The following WASF3 variants were observed in gnomAD, a reference collection of about 807,000 sequenced individuals.
WASF3 encodes actin-binding protein WASF3.
A neutral mutation model predicts 46.6 loss-of-function variants in WASF3; 11 were observed. The observed-to-expected ratio is 0.24, with a 90% CI of 0.15 to 0.39. The LOEUF (loss-of-function observed/expected upper bound fraction) is 0.39. WASF3 is among the 10% of genes least tolerant of loss of function. The pLI is 1.00. For synonymous variants in WASF3, 242 were observed against 259.7 expected (o/e 0.93, Z 0.65); for missense variants, 576 against 669.8 (o/e 0.86, Z 1.55).
chr13:26,596,312 T>A (rs7324501), intron 1 of WASF3, among the ~76,000 whole-genome samples: 124,829 of 150,476 alleles, frequency 0.83, 51,806 homozygotes, highest in East Asian at 0.9. Flanking sequence ...TTTTTTGCTC[T>A]TTTCATAATT....
intron 1 of WASF3, among the ~76,000 whole-genome samples, chr13:26,604,837 A>C (rs1345335953): frequency 6.6e-6 from 1 of 152,154 alleles, no homozygotes; most frequent in Non-Finnish European, 1.5e-5. Context: ...TGTTTTTGTA[A>C]TCTTTGTGGG....
upstream of WASF3, among the ~76,000 whole-genome samples, chr13:26,554,076 CTTCCTTCCTTCCTTCCTTCCTTCT>C (rs1566032408): frequency 1.1e-4 from 8 of 72,508 alleles, no homozygotes; most frequent in South Asian, 5.4e-4. Context: ...TCCTTCCTTC[CTTCCTTCCTTCCTTCCTTCCTTCT>C]TTCTTTCTTT....
At chr13:26,589,158 G>T (rs1300060513) in intron 1 of WASF3, among the ~76,000 whole-genome samples, 2 of 152,180 alleles carry the variant, frequency 1.3e-5, no homozygotes, top group African/African-American at 4.8e-5. Context: ...ATACTCAGTA[G>T]ATGGATAGTT....
chr13:26,543,482 G>A, the WASF3 span, among the ~76,000 whole-genome samples: 25 of 152,246 alleles, frequency 1.6e-4, no homozygotes, highest in African/African-American at 5.5e-4. Flanking sequence ...TACTAGTATT[G>A]TACTGGGGAT....
At chr13:26,670,062 T>C (rs1365649366) in intron 5 of WASF3, among the ~76,000 whole-genome samples, 3 of 152,168 alleles carry the variant, frequency 2.0e-5, no homozygotes, top group Non-Finnish European at 4.4e-5. Context: ...CACACGTATG[T>C]TTATTGCAGC....
At position 26,577,316 on chromosome 13, in the gene WASF3, C is replaced by A. The variant is rs1879829621; in HGVS notation, c.-109+19497C>A. 4 of 751,316 alleles carry A rather than the reference C, an allele frequency of 5.3e-6. No homozygotes were observed. In the South Asian group the frequency reaches 5.5e-5, roughly 10 times the overall value. The allele number at this position is 751,316 out of a possible 1,614,324, so 46.5% of individuals were successfully genotyped here. On this transcript the variant is annotated intron_variant, in intron 1 of 9. Coordinates refer to ENST00000335327, the MANE Select transcript of WASF3 (RefSeq NM_006646.6). ...TGTTCTGTGTTGGTTTTCCTAAAAACAATGTAACAATCCGATATGGAAAAC... is the reference window on the plus strand; with the variant it reads ...TGTTCTGTGTTGGTTTTCCTAAAAAAAATGTAACAATCCGATATGGAAAAC...
chr13:26,606,069 G>T (rs916617293), intron 1 of WASF3, among the ~76,000 whole-genome samples: 1 of 152,200 alleles, frequency 6.6e-6, no homozygotes, highest in African/African-American at 2.4e-5. Context: ...GCGGCACCTG[G>T]TGGTGCAGTA....
intron 2 of WASF3, chr13:26,619,184 A>G (rs1212254205): frequency 6.6e-6 from 1 of 152,246 alleles, no homozygotes; most frequent in Non-Finnish European, 1.5e-5. Flanking sequence ...TTATGCACAT[A>G]CATGCCATAC....
chr13:26,624,980 G>C (rs1382889492), intron 2 of WASF3, among the ~76,000 whole-genome samples: 2 of 152,140 alleles, frequency 1.3e-5, no homozygotes, highest in African/African-American at 4.8e-5. Flanking sequence ...GATCTGCACT[G>C]TAAGAAATGA....
the WASF3 span, among the ~76,000 whole-genome samples, chr13:26,546,648 G>A: frequency 6.6e-6 from 1 of 152,170 alleles, no homozygotes; most frequent in Non-Finnish European, 1.5e-5. Context: ...GGAGGCGGAG[G>A]TTGTGGTGAG....
In WASF3 at chr13:26,573,713, A is replaced by G. The variant is rs931080881; in HGVS notation, c.-109+15894A>G. ...TTGTATATTTTACTGATATGAATAC[A>G]GAAAAGTCTACATCAGAAGTATAGT... On this transcript the variant is annotated intron_variant, in intron 1 of 9. Coordinates refer to ENST00000335327, the MANE Select transcript of WASF3 (RefSeq NM_006646.6). Among the ~76,000 whole-genome samples, 5 of 152,328 alleles carry G rather than the reference A, an allele frequency of 3.3e-5. No homozygotes were observed. In the East Asian group the frequency reaches 9.6e-4, roughly 29 times the overall value.
At chr13:26,636,746 GTCCTTTCTTGCC>G (rs913128932) in intron 2 of WASF3, among the ~76,000 whole-genome samples, 8 of 152,162 alleles carry the variant, frequency 5.3e-5, no homozygotes, top group Admixed American at 3.9e-4. Context: ...CTGCTGAAGG[GTCCTTTCTTGCC>G]TTGAGCCCCA....
intron 1 of WASF3, among the ~76,000 whole-genome samples, chr13:26,561,998 A>G (rs1028030562): frequency 6.6e-6 from 1 of 152,212 alleles, no homozygotes; most frequent in African/African-American, 2.4e-5. Context: ...ACTTTTTTCA[A>G]GTTGGTACCA....
intron 6 of WASF3, among the ~76,000 whole-genome samples, 155 bp from the exon 7 acceptor site, chr13:26,676,394 C>G (rs1883069068): frequency 6.6e-6 from 1 of 152,180 alleles, no homozygotes; most frequent in Non-Finnish European, 1.5e-5. Flanking sequence ...GAGGAGTGCA[C>G]TGCTTTAGAG....
At chr13:26,543,873 C>T in the WASF3 span, among the ~76,000 whole-genome samples, 1 of 152,172 alleles carries the variant, frequency 6.6e-6, no homozygotes, top group African/African-American at 2.4e-5. Context: ...ATCAATATGT[C>T]ATTAGCTGTA....
At chr13:26,648,044 G>T (rs141935375) in intron 3 of WASF3, among the ~76,000 whole-genome samples, 1 of 151,994 alleles carries the variant, frequency 6.6e-6, no homozygotes, top group Admixed American at 6.5e-5. Flanking sequence ...TACTAATGTT[G>T]GACATATAGT....
intron 1 of WASF3, among the ~76,000 whole-genome samples, chr13:26,565,836 G>T (rs1013230599): frequency 6.6e-6 from 1 of 152,164 alleles, no homozygotes; most frequent in Non-Finnish European, 1.5e-5. Context: ...AGCTATAATT[G>T]AAATCTTTAT....
chr13:26,651,387 A>G (rs1251207566), intron 3 of WASF3, among the ~76,000 whole-genome samples: 1 of 152,170 alleles, frequency 6.6e-6, no homozygotes, highest in African/African-American at 2.4e-5. Flanking sequence ...AGAAAATCTT[A>G]AAAGAAGAAA....
At chr13:26,585,862 A>G (rs1263720783) in intron 1 of WASF3, among the ~76,000 whole-genome samples, 1 of 152,188 alleles carries the variant, frequency 6.6e-6, no homozygotes, top group African/African-American at 2.4e-5. Context: ...GACAGTTTCT[A>G]ATGTGAGTGG....
Sources: gnomAD v4.1 joint callset for allele counts (sites outside exome capture counted in the v4.1 genomes callset) on GRCh38, gnomAD v4.1.1 for gene constraint, MANE v1.5 for transcripts, NCBI Gene and HGNC (gene_info 2026-07-23, HGNC 2026-07-21) for gene names.